Variants in BMP1 observed in about 807,000 individuals in gnomAD.
BMP1 encodes the protein bone morphogenetic protein 1.
In BMP1, 63 loss-of-function variants were observed where a neutral mutation model predicts 116.8. The ratio of observed to expected loss-of-function variants is 0.54; its 90% CI spans 0.44 to 0.67. The LOEUF is 0.67. Among genes scored for constraint, BMP1 ranks in the 30% least tolerant of loss-of-function variants. The pLI is 0.00. For missense variants in BMP1, 1,183 were observed against 1,358.9 expected (o/e 0.87, Z 2.04); for synonymous variants, 536 against 533.4 (o/e 1.00, Z -0.07).
Position 22,196,987 on chromosome 8 carries a change from C to T in BMP1, c.1926+147C>T, listed in dbSNP as rs1156495244. The T allele has an allele frequency of 4.0e-6, 5 of 1,242,546 alleles. No individual in the cohort carries two copies. The South Asian group carries it at 6.2e-5, about 15-fold the overall frequency. The allele number at this position is 1,242,546 out of a possible 1,614,324, so 77.0% of individuals were successfully genotyped here. A position where few individuals can be genotyped will look rare whatever the true frequency, so the allele number is the denominator to read the frequency against. On this transcript the variant is annotated intron_variant, in intron 14 of 19. Transcript: ENST00000306385. ...GAGACTGCTCCCAGCTCACGAAGCA[C>T]AGGAGGCCCAGCAGGGAGGGCCCCA...
Position 22,179,979 on chromosome 8 carries a change from C to T in BMP1, c.961+150C>T, listed in dbSNP as rs1246549849. ...GGGACCCCATAGGAGGGGCAGTGTCCAAGTGAAGGAGGCCGCTGGGGGTAG... is the reference window on the plus strand; with the variant it reads ...GGGACCCCATAGGAGGGGCAGTGTCTAAGTGAAGGAGGCCGCTGGGGGTAG... On this transcript the variant is annotated intron_variant, in intron 7 of 19. Coordinates refer to ENST00000306385, the MANE Select transcript of BMP1 (RefSeq NM_006129.5). The surrounding 1 kb of genome is among the most constrained non-coding windows in gnomAD (Gnocchi z 4.6). 1 of 935,728 alleles carries T rather than the reference C, an allele frequency of 1.1e-6. No homozygotes were observed. Among genetic ancestry groups the T allele is most frequent in the Non-Finnish European group, 1.6e-6 (1 of 641,364 alleles). 58.0% of individuals were successfully genotyped at this position (935,728 alleles called of 1,614,324 possible). A position where few individuals can be genotyped will look rare whatever the true frequency, so the allele number is the denominator to read the frequency against.
chr8:22,194,012 G>A lies in BMP1; in HGVS notation c.1181-46G>A, dbSNP rs1279134742. ...CTGGAGAGGTGGGGCCTCTATAGGG[G>A]GTGTCCTCAGGGTTCACCACTCTTC... On this transcript the variant is annotated intron_variant, in intron 9 of 19. Transcript: ENST00000306385. This position sits in a 1 kb window ranked among gnomAD's most constrained non-coding sequence, Gnocchi z 4.5. The A allele has an allele frequency of 1.3e-6, 2 of 1,519,870 alleles. No homozygotes were observed. Among genetic ancestry groups the A allele is most frequent in the East Asian group, 4.5e-5 (2 of 44,368 alleles). 94.1% of individuals were successfully genotyped at this position (1,519,870 alleles called of 1,614,324 possible).
chr8:22,175,782 C>T (rs1828412511), intron 2 of BMP1, among the ~76,000 whole-genome samples: 1 of 152,162 alleles, frequency 6.6e-6, no homozygotes, highest in Non-Finnish European at 1.5e-5. Context: ...TGCTCAGGGG[C>T]TGTTTTAAAC....
chr8:22,195,719 T>A (rs1829065797), intron 13 of BMP1, 132 bp downstream of exon 13: 2 of 1,295,224 alleles, frequency 1.5e-6, no homozygotes, highest in Admixed American at 5.6e-5. Flanking sequence ...CAATCTTAGC[T>A]CACCATAGCC....
intron 4 of BMP1, 29 bp from the exon 5 acceptor site, chr8:22,176,932 C>T (rs745518121): frequency 9.3e-5 from 147 of 1,579,464 alleles, no homozygotes; most frequent in Non-Finnish European, 1.2e-4. Context: ...AGCTCGGGAC[C>T]GCCCCCCTGA....
chr8:22,190,193 G>A (rs952437147), intron 8 of BMP1, among the ~76,000 whole-genome samples: 1 of 152,178 alleles, frequency 6.6e-6, no homozygotes, highest in African/African-American at 2.4e-5. Context: ...CCAATGTGTT[G>A]GGATTACAGG....
intron 8 of BMP1, among the ~76,000 whole-genome samples, chr8:22,182,661 C>G (rs1012125606): frequency 1.3e-5 from 2 of 152,174 alleles, no homozygotes; most frequent in African/African-American, 4.8e-5. Context: ...CAAACTGGCT[C>G]CTAGTAATCA....
chr8:22,175,539 C>T (rs531190152), intron 2 of BMP1, among the ~76,000 whole-genome samples: 4 of 152,216 alleles, frequency 2.6e-5, no homozygotes, highest in Non-Finnish European at 5.9e-5. Context: ...CAGGTTCCTT[C>T]AAGCCTCTGG....
Position 22,206,875 on chromosome 8 carries a change from C to G in BMP1, c.2255C>G (p.Thr752Arg). ...CKEAGCDHKV[T>R]STSGTITSPN... The stretch of plus-strand genomic sequence containing the variant: ...GCAGCCGGCTGTGACCACAAGGTGA[C>G]ATCCACCAGTGGTACCATCACCAGC... Residue 752 changes from threonine (T) to arginine (R), a missense_variant, in exon 17 of 20, where the codon ACA becomes AGA. Around this residue, in one of 4 missense-constraint regions of BMP1, gnomAD observed 956 missense variants for 1,135.2 expected, o/e 0.84. Transcript: ENST00000306385. The G allele has an allele frequency of 6.2e-7, 1 of 1,614,184 alleles. No individual in the cohort carries two copies. Among genetic ancestry groups the G allele is most frequent in the Non-Finnish European group, 8.5e-7 (1 of 1,180,014 alleles).
At chr8:22,167,982 C>CA (rs1367959659) in intron 1 of BMP1, among the ~76,000 whole-genome samples, 1 of 152,174 alleles carries the variant, frequency 6.6e-6, no homozygotes, top group Non-Finnish European at 1.5e-5. Flanking sequence ...GTGATGATGG[C>CA]AGGCATGCTG....
rs773343328 is a variant in BMP1 at position 22,211,681 on chromosome 8, C to T, written c.2914C>T (p.Arg972Ter). ...DTITKKGFHL[R>*]YTSTKFQDTL... ...CATCACCAAAAAAGGTTTCCACCTG[C>T]GATACACCAGCACCAAGTTCCAGGA... The change falls in exon 20 of 20, where the codon CGA becomes TGA. Residue 972 changes from arginine (R) to a stop codon, truncating the protein, a stop_gained. Coordinates refer to ENST00000306385, the MANE Select transcript of BMP1 (RefSeq NM_006129.5). LOFTEE classifies it high-confidence loss of function. 8 of 1,614,164 alleles carry T rather than the reference C, an allele frequency of 5.0e-6. No homozygotes were observed. The Admixed American group carries it at 8.3e-5, about 17-fold the overall frequency.
intron 16 of BMP1, among the ~76,000 whole-genome samples, chr8:22,204,990 C>T (rs1276606830): frequency 6.6e-6 from 1 of 152,110 alleles, no homozygotes; most frequent in African/African-American, 2.4e-5. Context: ...TGAGGGTTCC[C>T]ACGCGTGGGC....
chr8:22,194,531 A>G lies in BMP1; in HGVS notation c.1384A>G (p.Ile462Val). The G allele has an allele frequency of 6.2e-7, 1 of 1,614,188 alleles. No individual in the cohort carries two copies. The highest frequency in any genetic ancestry group is 8.5e-7 in the Non-Finnish European group (1 of 1,180,030). ...PDDYRPSKVC[I>V]WRIQVSEGFH... The stretch of plus-strand genomic sequence containing the variant: ...CGATTACCGGCCCAGCAAAGTCTGC[A>G]TCTGGCGGATCCAGGTGTCTGAGGG... Residue 462 changes from isoleucine to valine, a missense_variant, in exon 11 of 20, where the codon ATC becomes GTC. Around this residue, in one of 4 missense-constraint regions of BMP1, gnomAD observed 956 missense variants for 1,135.2 expected, o/e 0.84. Coordinates refer to ENST00000306385, the MANE Select transcript of BMP1 (RefSeq NM_006129.5). This position sits in a 1 kb window ranked among gnomAD's most constrained non-coding sequence, Gnocchi z 4.5.
intron 1 of BMP1, chr8:22,171,579 G>C (rs909921598): frequency 1.3e-5 from 2 of 152,230 alleles, no homozygotes; most frequent in Non-Finnish European, 2.9e-5. Context: ...GTATTTTGTT[G>C]TGGATGTGTC....
chr8:22,209,198 C>T (rs1171835256), intron 18 of BMP1, among the ~76,000 whole-genome samples: 2 of 152,260 alleles, frequency 1.3e-5, no homozygotes, highest in South Asian at 2.1e-4. Flanking sequence ...CTCGTGCCAC[C>T]GCTCCATGCT....
chr8:22,180,454 T>C lies in BMP1; in HGVS notation c.1048T>C (p.Trp350Arg). 1 of 1,613,998 alleles carries C rather than the reference T, an allele frequency of 6.2e-7. No individual in the cohort carries two copies. The highest frequency in any genetic ancestry group is 1.1e-5 in the South Asian group (1 of 91,086). The change falls in exon 8 of 20, where the codon TGG becomes CGG. Residue 350 changes from tryptophan to arginine, a missense_variant. By Grantham distance (101) the Trp-to-Arg change is moderately radical. Around this residue, in one of 4 missense-constraint regions of BMP1, gnomAD observed 956 missense variants for 1,135.2 expected, o/e 0.84. Transcript: ENST00000306385. ...NGYSAHMHCV[W>R]RISVTPGEKI... ...CTACTCTGCTCACATGCACTGCGTG[T>C]GGCGCATCTCTGTCACACCCGGGGA... is the stretch of plus-strand genomic sequence containing the variant.
At chr8:22,207,619 C>G in intron 18 of BMP1, 103 bp downstream of exon 18, 1 of 1,345,402 alleles carries the variant, frequency 7.4e-7, no homozygotes, top group Non-Finnish European at 1.0e-6. Context: ...GGACTGAGCC[C>G]TGCGACCCAG....
chr8:22,187,644 C>T (rs1189300132), intron 8 of BMP1, among the ~76,000 whole-genome samples: 1 of 151,800 alleles, frequency 6.6e-6, no homozygotes, highest in Non-Finnish European at 1.5e-5. Flanking sequence ...CCACCGTGCC[C>T]GGCCCCCAGC....
intron 15 of BMP1, chr8:22,199,252 C>G (rs1829187054): frequency 1.5e-6 from 2 of 1,367,636 alleles, no homozygotes; most frequent in South Asian, 1.1e-5. Context: ...GCATCTGACT[C>G]TGGCCCCCCA....
Sources: allele counts gnomAD v4.1 joint callset (sites outside exome capture counted in the v4.1 genomes callset), GRCh38; gene constraint gnomAD v4.1.1; regional missense constraint gnomAD v4.1.1; non-coding constraint Gnocchi (gnomAD v3.1); transcripts MANE v1.5; gene names NCBI Gene and HGNC (gene_info 2026-07-23, HGNC 2026-07-21).